The following ASIC2 variants were observed in gnomAD, a reference collection of about 807,000 sequenced individuals.
ASIC2 encodes the protein acid-sensing ion channel 2.
ASIC2 carries 25 observed loss-of-function variants against 57.3 expected under a neutral mutation model. That is an observed-to-expected ratio of 0.44 (90% CI 0.32 to 0.61). The LOEUF (loss-of-function observed/expected upper bound fraction) is 0.61. ASIC2 is among the 20% of genes least tolerant of loss of function. The probability of loss-of-function intolerance (pLI) is 0.06; values close to 1 mark genes in which losing one functional copy is unlikely to be tolerated. For synonymous variants in ASIC2, 319 were observed against 307.5 expected (o/e 1.04, Z -0.39); for missense variants, 641 against 738.1 (o/e 0.87, Z 1.52).
intron 1 of ASIC2, among the ~76,000 whole-genome samples, chr17:33,948,662 C>T (rs1038971866): frequency 1.4e-4 from 21 of 152,220 alleles, no homozygotes; most frequent in African/African-American, 4.6e-4. Context: ...CCCTGGCTTC[C>T]CCGCTTAGTA....
chr17:33,527,990 T>G (rs1015744104), intron 1 of ASIC2, among the ~76,000 whole-genome samples: 3 of 152,190 alleles, frequency 2.0e-5, no homozygotes, highest in African/African-American at 7.2e-5. Flanking sequence ...CCTACTGTAT[T>G]GCAGATGCTC....
intron 1 of ASIC2, among the ~76,000 whole-genome samples, chr17:33,195,903 C>T (rs2142072902): frequency 6.6e-6 from 1 of 152,300 alleles, no homozygotes; most frequent in South Asian, 2.1e-4. Flanking sequence ...TCAAGGAATT[C>T]CTCTAAGCCT....
At chr17:33,021,873 G>A (rs16571) in intron 6 of ASIC2, among the ~76,000 whole-genome samples, 44,265 of 152,150 alleles carry the variant, frequency 0.29, 6,913 homozygotes, top group Non-Finnish European at 0.35. Context: ...CAGAAGCACC[G>A]CGGCTTGCTT....
chr17:33,213,691 TC>T (rs879625430), intron 1 of ASIC2, among the ~76,000 whole-genome samples: 6 of 152,156 alleles, frequency 3.9e-5, no homozygotes, highest in Non-Finnish European at 8.8e-5. Flanking sequence ...GCTGGTGAGC[TC>T]CCCTTCTTTC....
chr17:33,588,389 A>G (rs1361318323), intron 1 of ASIC2, among the ~76,000 whole-genome samples: 1 of 152,140 alleles, frequency 6.6e-6, no homozygotes, highest in Non-Finnish European at 1.5e-5. Context: ...TTGATGAAAG[A>G]GTTGGATTCA....
intron 1 of ASIC2, among the ~76,000 whole-genome samples, chr17:33,228,324 T>C (rs983124613): frequency 6.6e-6 from 1 of 152,094 alleles, no homozygotes; most frequent in African/African-American, 2.4e-5. Context: ...GTGAATTTTA[T>C]GCAACGTAAA....
At chr17:34,085,094 A>G (rs1479565259) in intron 1 of ASIC2, among the ~76,000 whole-genome samples, 1 of 152,178 alleles carries the variant, frequency 6.6e-6, no homozygotes. Flanking sequence ...GAGTGGTGAG[A>G]GAGGGCATCC....
At chr17:33,695,757 C>T (rs191404148) in intron 1 of ASIC2, among the ~76,000 whole-genome samples, 2 of 152,190 alleles carry the variant, frequency 1.3e-5, no homozygotes, top group African/African-American at 4.8e-5. Context: ...CCCTTAAACT[C>T]CATCCCCCAA....
intron 1 of ASIC2, among the ~76,000 whole-genome samples, chr17:33,924,278 G>A (rs950421115): frequency 4.6e-5 from 7 of 152,212 alleles, no homozygotes; most frequent in Non-Finnish European, 7.3e-5. Context: ...CAACCCTGGA[G>A]TGAGGCTTGC....
At chr17:33,807,685 C>T (rs890136686) in intron 1 of ASIC2, among the ~76,000 whole-genome samples, 2 of 152,184 alleles carry the variant, frequency 1.3e-5, no homozygotes, top group African/African-American at 4.8e-5. Context: ...CACACATATC[C>T]AATCACTGAA....
chr17:33,450,428 G>T (rs1001871040), intron 1 of ASIC2, among the ~76,000 whole-genome samples: 1 of 152,120 alleles, frequency 6.6e-6, no homozygotes. Flanking sequence ...ACTTTTCACT[G>T]ATTGGTTTAG....
At chr17:33,540,291 A>G (rs999521029) in intron 1 of ASIC2, among the ~76,000 whole-genome samples, 8 of 152,174 alleles carry the variant, frequency 5.3e-5, no homozygotes, top group African/African-American at 1.9e-4. Flanking sequence ...GACACAAATC[A>G]TATTGAATTA....
intron 1 of ASIC2, among the ~76,000 whole-genome samples, chr17:33,493,025 T>G (rs887274807): frequency 9.8e-5 from 15 of 152,350 alleles, no homozygotes; most frequent in Admixed American, 5.9e-4. Context: ...GTTTTCCAAA[T>G]GAGCAGTTAT....
chr17:33,759,838 A>G (rs12451999), intron 1 of ASIC2, among the ~76,000 whole-genome samples: 1 of 152,150 alleles, frequency 6.6e-6, no homozygotes, highest in Non-Finnish European at 1.5e-5. Context: ...GAAGCTGTGG[A>G]GGCCACCCAG....
chr17:34,034,363 A>T lies in ASIC2; in HGVS notation c.555+121615T>A, dbSNP rs1033710004. On this transcript the variant is annotated intron_variant, in intron 1 of 9. Transcript: ENST00000359872. ...ATTAGGTATTGATAGGACGTATCTCAAAATAATAAGAGCTATCTATGACAA... is the reference window on the plus strand; with the variant it reads ...ATTAGGTATTGATAGGACGTATCTCTAAATAATAAGAGCTATCTATGACAA... Among the ~76,000 whole-genome samples, 40 of 152,346 alleles carry T rather than the reference A, an allele frequency of 2.6e-4. No individual in the cohort carries two copies. The Middle Eastern group carries it at 0.014, about 52-fold the overall frequency.
chr17:33,528,309 G>T (rs1914949368), intron 1 of ASIC2, among the ~76,000 whole-genome samples: 1 of 152,000 alleles, frequency 6.6e-6, no homozygotes, highest in Non-Finnish European at 1.5e-5. Flanking sequence ...GGGAAAAAGG[G>T]AGGCCAATCC....
At chr17:33,767,149 T>A (rs75791205) in intron 1 of ASIC2, among the ~76,000 whole-genome samples, 12,857 of 152,284 alleles carry the variant, frequency 0.084, 552 homozygotes, top group African/African-American at 0.095. Flanking sequence ...GCCCTGCTTG[T>A]CTGCTGTGTC....
chr17:33,705,702 G>A lies in ASIC2; in HGVS notation c.555+450276C>T, dbSNP rs1908841729. ...ATGGGTTCTCCCTTAGAACCTCTAT[G>A]GGGAGAACAGCCCTGCCAACACCTT... On this transcript the variant is annotated intron_variant, in intron 1 of 9. Transcript: ENST00000359872. Among the ~76,000 whole-genome samples the A allele has an allele frequency of 2.0e-5, 3 of 152,184 alleles. No individual in the cohort carries two copies. In the South Asian group the frequency reaches 6.2e-4, roughly 32 times the overall value.
In ASIC2 at chr17:33,166,698, G is replaced by T. The variant is rs1022890568; in HGVS notation, c.709-54631C>A. 2.1e-4 allele frequency among the ~76,000 whole-genome samples: 32 copies of T among 152,310 alleles called. 1 individual carries two copies. Among genetic ancestry groups the T allele is most frequent in the Admixed American group, 2.1e-3 (32 of 15,302 alleles). ...AGGAGGTGGGTTGCAGGGAAGTACA[G>T]TGAGAGTCCAGACCACAGGCAGAGC... On this transcript the variant is annotated intron_variant, in intron 1 of 9. Transcript: ENST00000225823.
Sources: gnomAD v4.1 joint callset for allele counts (sites outside exome capture counted in the v4.1 genomes callset) on GRCh38, gnomAD v4.1.1 for gene constraint, MANE v1.5 for transcripts, NCBI Gene and HGNC (gene_info 2026-07-23, HGNC 2026-07-21) for gene names.